Variants in DMD observed in about 807,000 individuals in gnomAD.
DMD encodes the protein dystrophin.
Under a neutral mutation model 330.1 loss-of-function variants are expected in DMD, and 63 were observed. The ratio of observed to expected loss-of-function variants is 0.19; its 90% confidence interval spans 0.16 to 0.24. The LOEUF is 0.24. Among genes scored for constraint, DMD ranks in the 10% least tolerant of loss-of-function variants. The probability of loss-of-function intolerance (pLI) is 1.00; values close to 1 mark genes in which losing one functional copy is unlikely to be tolerated. For missense variants in DMD, 3,344 were observed against 2,684.1 expected (o/e 1.25, Z -5.43); for synonymous variants, 1,223 against 959.8 (o/e 1.27, Z -5.07).
In DMD at chrX:32,443,498, T is replaced by C. The variant is rs147754214; in HGVS notation, c.3787-2184A>G. ...AGATCCCAGTGGGAAAATATAAATA[T>C]CTTCTTAAATACCCGAGGGTACCTT... is the stretch of plus-strand genomic sequence containing the variant. On this transcript the variant is annotated intron_variant, in intron 27 of 78. Transcript: ENST00000357033. Among the ~76,000 whole-genome samples the C allele has an allele frequency of 4.2e-3, 461 of 111,082 alleles. 1 individual carries two copies. Among genetic ancestry groups the C allele is most frequent in the Non-Finnish European group, 6.9e-3 (363 of 52,591 alleles).
At chrX:33,284,449 ATACTT>A (rs1174572812) in intron 1 of DMD, among the ~76,000 whole-genome samples, 2 of 110,657 alleles carry the variant, frequency 1.8e-5, no homozygotes, top group Non-Finnish European at 3.8e-5. Flanking sequence ...CAAGATAAAA[ATACTT>A]AACTTTTTAA....
intron 2 of DMD, among the ~76,000 whole-genome samples, chrX:32,985,494 T>C (rs745435412): frequency 3.6e-5 from 4 of 111,216 alleles, no homozygotes; most frequent in African/African-American, 6.5e-5. Flanking sequence ...CATTTCTGAA[T>C]ACCTACCATA....
chrX:31,829,373 T>C (rs992934816), intron 49 of DMD, among the ~76,000 whole-genome samples: 11 of 110,026 alleles, frequency 1.0e-4, no homozygotes, highest in African/African-American at 3.6e-4. Flanking sequence ...CCAAAACTAC[T>C]GAAATTATAA....
chrX:32,754,473 G>A (rs1430270944), intron 7 of DMD, among the ~76,000 whole-genome samples: 1 of 109,453 alleles, frequency 9.1e-6, no homozygotes, highest in South Asian at 3.9e-4. Context: ...CTGTCATATA[G>A]ATCACTTATC....
chrX:33,069,260 C>T (rs1660397316), intron 1 of DMD, among the ~76,000 whole-genome samples: 1 of 110,365 alleles, frequency 9.1e-6, no homozygotes, highest in South Asian at 3.9e-4. Flanking sequence ...ATATTTTGCT[C>T]CCCGTGTTGC....
intron 43 of DMD, among the ~76,000 whole-genome samples, chrX:32,250,902 G>A (rs965659084): frequency 9.0e-6 from 1 of 111,173 alleles, no homozygotes; most frequent in Non-Finnish European, 1.9e-5. Flanking sequence ...GGACATGGAT[G>A]AAGCTGGAAA....
chrX:32,676,985 T>C (rs908120893), intron 9 of DMD, among the ~76,000 whole-genome samples: 2 of 111,830 alleles, frequency 1.8e-5, no homozygotes, highest in African/African-American at 6.5e-5. Context: ...GTTTTTCATT[T>C]ATTGACATTT....
intron 44 of DMD, among the ~76,000 whole-genome samples, chrX:32,096,556 T>TA (rs1042442076): frequency 9.3e-6 from 1 of 107,611 alleles, no homozygotes; most frequent in Non-Finnish European, 1.9e-5. Context: ...AGGGATCCAT[T>TA]AAAAAAATAC....
At chrX:31,217,965 A>G (rs1188331695) in intron 64 of DMD, among the ~76,000 whole-genome samples, 2 of 112,298 alleles carry the variant, frequency 1.8e-5, no homozygotes, top group Admixed American at 1.9e-4. Flanking sequence ...TAAAGAAATT[A>G]TTCTACATTC....
At chrX:33,146,011 C>G (rs1241901977) in intron 1 of DMD, among the ~76,000 whole-genome samples, 1 of 110,410 alleles carries the variant, frequency 9.1e-6, no homozygotes, top group African/African-American at 3.3e-5. Flanking sequence ...CTCAGTCTCC[C>G]GAGCAGCTAG....
In DMD at chrX:31,284,821, C is replaced by T. The variant is rs190907324; in HGVS notation, c.9225-23805G>A. Among the ~76,000 whole-genome samples, 134 of 87,186 alleles carry T rather than the reference C, an allele frequency of 1.5e-3. 1 individual carries two copies. The highest frequency in any genetic ancestry group is 6.6e-3 in the African/African-American group (128 of 19,504). The allele number at this position is 87,186 out of a possible 115,157, so 75.7% of individuals were successfully genotyped here. A position where few individuals can be genotyped will look rare whatever the true frequency, so the allele number is the denominator to read the frequency against. ...GCTTCCTTAAAGATAAATCTAATGGCTTAAACACACACACACACACACACA... is the reference window on the plus strand; with the variant it reads ...GCTTCCTTAAAGATAAATCTAATGGTTTAAACACACACACACACACACACA... On this transcript the variant is annotated intron_variant, in intron 62 of 78. Transcript: ENST00000357033.
At chrX:31,281,687 TAAG>T (rs2052620767) in intron 62 of DMD, among the ~76,000 whole-genome samples, 1 of 111,829 alleles carries the variant, frequency 8.9e-6, no homozygotes, top group Non-Finnish European at 1.9e-5. Context: ...GGATACTGGA[TAAG>T]AAGAATGCAC....
intron 16 of DMD, among the ~76,000 whole-genome samples, chrX:32,546,358 A>G (rs1392464114): frequency 1.8e-5 from 2 of 109,155 alleles, no homozygotes; most frequent in African/African-American, 6.7e-5. Context: ...TCTGGTTACA[A>G]GCAAAGGAGC....
rs772109126 is a variant in DMD at position 32,259,735 on chromosome X, G to A, written c.6290+27794C>T. On this transcript the variant is annotated intron_variant, in intron 43 of 78. Coordinates refer to ENST00000357033, the MANE Select transcript of DMD (RefSeq NM_004006.3). ...CTGGCTTCGAAGACTGCTATGTATTGAAGGTCTACAATGCTTTGAATGCTG... is the reference window on the plus strand; with the variant it reads ...CTGGCTTCGAAGACTGCTATGTATTAAAGGTCTACAATGCTTTGAATGCTG... Among the ~76,000 whole-genome samples the A allele has an allele frequency of 1.3e-4, 14 of 111,793 alleles. No individual in the cohort carries two copies. In the South Asian group the frequency reaches 5.2e-3, roughly 41 times the overall value.
intron 51 of DMD, among the ~76,000 whole-genome samples, chrX:31,762,341 C>T (rs1157449316): frequency 9.0e-6 from 1 of 111,550 alleles, no homozygotes; most frequent in Non-Finnish European, 1.9e-5. Flanking sequence ...GAGGCTGAGG[C>T]AGGCAGATCA....
intron 1 of DMD, among the ~76,000 whole-genome samples, chrX:33,058,968 AG>A (rs1442824725): frequency 1.8e-5 from 2 of 111,881 alleles, no homozygotes; most frequent in African/African-American, 6.5e-5. Flanking sequence ...TATGGATACA[AG>A]TTTTCTAATC....
chrX:31,417,608 G>A (rs1291226949), intron 60 of DMD, among the ~76,000 whole-genome samples: 2 of 111,477 alleles, frequency 1.8e-5, no homozygotes, highest in African/African-American at 3.3e-5. Flanking sequence ...TAAGAAATAC[G>A]TAAATAATAT....
chrX:33,025,054 T>G (rs772630392), intron 1 of DMD, among the ~76,000 whole-genome samples: 1 of 112,255 alleles, frequency 8.9e-6, no homozygotes, highest in South Asian at 3.7e-4. Context: ...AGACACATCA[T>G]AGATAAATAT....
chrX:32,795,159 G>A (rs995164956), intron 7 of DMD, among the ~76,000 whole-genome samples: 3 of 111,568 alleles, frequency 2.7e-5, no homozygotes, highest in Admixed American at 9.5e-5. Context: ...AAATTTGTAC[G>A]ATCAAAGACC....
Sources: allele counts gnomAD v4.1 joint callset (sites outside exome capture counted in the v4.1 genomes callset), GRCh38; gene constraint gnomAD v4.1.1; transcripts MANE v1.5; gene names NCBI Gene and HGNC (gene_info 2026-07-23, HGNC 2026-07-21).